SETD2: variants seen among roughly 807,000 people sequenced by gnomAD.
SETD2 encodes SET domain containing 2, histone lysine methyltransferase.
In SETD2, 31 loss-of-function variants were observed where a neutral mutation model predicts 242.1. The ratio of observed to expected loss-of-function variants is 0.13; its 90% CI spans 0.10 to 0.17. The LOEUF (loss-of-function observed/expected upper bound fraction) is 0.17. Ranked by LOEUF, SETD2 falls within the 10% of genes least tolerant of loss-of-function variation. The probability of loss-of-function intolerance (pLI) is 1.00; values close to 1 mark genes in which losing one functional copy is unlikely to be tolerated. For synonymous variants in SETD2, 1,006 were observed against 1,066.5 expected (o/e 0.94, Z 1.11); for missense variants, 2,481 against 3,046.3 (o/e 0.81, Z 4.37).
intron 1 of SETD2, among the ~76,000 whole-genome samples, chr3:47,142,670 CTTT>C (rs376806677): frequency 3.6e-5 from 5 of 139,652 alleles, no homozygotes; most frequent in Non-Finnish European, 3.1e-5. Context: ...TATACATTGT[CTTT>C]TTTTTTTTTT....
chr3:47,069,447 C>T (rs1179052629), intron 12 of SETD2, among the ~76,000 whole-genome samples: 1 of 152,176 alleles, frequency 6.6e-6, no homozygotes, highest in Non-Finnish European at 1.5e-5. Flanking sequence ...GGAAATACCA[C>T]CCCAGACAAA....
intron 4 of SETD2, among the ~76,000 whole-genome samples, chr3:47,115,865 T>C (rs2042833990): frequency 6.6e-6 from 1 of 152,230 alleles, no homozygotes; most frequent in East Asian, 1.9e-4. Context: ...AGGCTGATCC[T>C]AAACTCCTGG....
rs1427956806 is a variant in SETD2 at position 47,122,349 on chromosome 3, T to A, written c.2287A>T (p.Met763Leu). The change falls in exon 3 of 21, where the codon ATG becomes TTG. Residue 763 changes from methionine to leucine, a missense_variant. This residue lies in a region of SETD2 where 1,300 missense variants were observed against 1,259.2 expected (regional missense o/e 1.03). Coordinates refer to ENST00000409792, the MANE Select transcript of SETD2 (RefSeq NM_014159.7). Reference sequence around the variant, plus strand: ...GAATAATCCACAGTCATAACTGGCATAGACATGAGTTTATCTTGGTGTGGT... The same window carrying A: ...GAATAATCCACAGTCATAACTGGCAAAGACATGAGTTTATCTTGGTGTGGT... ...VSPHQDKLMS[M>L]PVMTVDYSKT... 1.2e-6 allele frequency: 2 copies of A among 1,614,192 alleles called. No homozygotes were observed. Among genetic ancestry groups the A allele is most frequent in the East Asian group, 4.5e-5 (2 of 44,876 alleles).
intron 16 of SETD2, among the ~76,000 whole-genome samples, chr3:47,045,346 C>T (rs1052428682): frequency 3.3e-5 from 5 of 151,760 alleles, no homozygotes; most frequent in African/African-American, 9.7e-5. Flanking sequence ...AGCGAAACCC[C>T]GTCTCTACTA....
Position 47,163,744 on chromosome 3 carries a change from G to A in SETD2, c.71+110C>T, listed in dbSNP as rs1697578241. On this transcript the variant is annotated intron_variant, in intron 1 of 20. Coordinates refer to ENST00000409792, the MANE Select transcript of SETD2 (RefSeq NM_014159.7). ...GACACCGACCGCGCGAGGCCACCGTGGGCCTGTTACTCCTCGCGCCGGCCC... is the reference window on the plus strand; with the variant it reads ...GACACCGACCGCGCGAGGCCACCGTAGGCCTGTTACTCCTCGCGCCGGCCC... 8.2e-6 allele frequency: 9 copies of A among 1,094,266 alleles called. No homozygotes were observed. The South Asian group carries it at 4.2e-4, about 50-fold the overall frequency. The allele number at this position is 1,094,266 out of a possible 1,614,324, so 67.8% of individuals were successfully genotyped here.
At chr3:47,115,173 A>G (rs970411542) in intron 4 of SETD2, among the ~76,000 whole-genome samples, 4 of 152,198 alleles carry the variant, frequency 2.6e-5, no homozygotes, top group African/African-American at 9.6e-5. Context: ...ACAACTAAAG[A>G]TAACTGATAA....
At chr3:47,134,829 G>A (rs918828123) in intron 1 of SETD2, among the ~76,000 whole-genome samples, 23 of 152,144 alleles carry the variant, frequency 1.5e-4, no homozygotes, top group African/African-American at 2.4e-4. Flanking sequence ...TCACCATGTC[G>A]GCCAGGCTGG....
chr3:47,125,784 C>T (rs1311930160), intron 2 of SETD2, among the ~76,000 whole-genome samples: 3 of 152,168 alleles, frequency 2.0e-5, no homozygotes, highest in Non-Finnish European at 1.5e-5. Context: ...CAAGGCATAA[C>T]GTAGGTTGTA....
intron 1 of SETD2, among the ~76,000 whole-genome samples, chr3:47,140,563 A>G (rs2043702237): frequency 6.6e-6 from 1 of 152,226 alleles, no homozygotes; most frequent in Non-Finnish European, 1.5e-5. Flanking sequence ...AGTGAATCAC[A>G]CAGAAAGAGT....
intron 12 of SETD2, among the ~76,000 whole-genome samples, chr3:47,079,848 A>G (rs2041250793): frequency 6.6e-6 from 1 of 152,222 alleles, no homozygotes; most frequent in Admixed American, 6.5e-5. Context: ...TAAATTTTAG[A>G]CCATTTTTGC....
intron 18 of SETD2, among the ~76,000 whole-genome samples, chr3:47,021,239 C>A (rs1193496456): frequency 6.6e-6 from 1 of 152,258 alleles, no homozygotes; most frequent in Admixed American, 6.5e-5. Flanking sequence ...ACATCCCCAG[C>A]TACTCTCTTG....
intron 12 of SETD2, among the ~76,000 whole-genome samples, chr3:47,068,454 G>A (rs1489637560): frequency 2.7e-5 from 4 of 150,584 alleles, no homozygotes; most frequent in African/African-American, 7.3e-5. Context: ...CACTTATACT[G>A]TGTGCCAGAT....
rs749886878 is a variant in SETD2 at position 47,017,599 on chromosome 3, G to C, written c.7533+39C>G. The C allele has an allele frequency of 1.4e-6, 2 of 1,411,000 alleles. No individual in the cohort carries two copies. The highest frequency in any genetic ancestry group is 2.3e-5 in the East Asian group (1 of 43,908). 87.4% of individuals were successfully genotyped at this position (1,411,000 alleles called of 1,614,324 possible). On this transcript the variant is annotated intron_variant, in intron 20 of 20. Coordinates refer to ENST00000409792, the MANE Select transcript of SETD2 (RefSeq NM_014159.7). This position sits in a 1 kb window ranked among gnomAD's most constrained non-coding sequence, Gnocchi z 4.8. ...TCTTAGAAGGTACACAGTTTGCCCAGAACATTGCCTGGTGGGCTACCAAAA... is the reference window on the plus strand; with the variant it reads ...TCTTAGAAGGTACACAGTTTGCCCACAACATTGCCTGGTGGGCTACCAAAA...
Position 47,120,356 on chromosome 3 carries a change from A to T in SETD2, c.4280T>A (p.Val1427Asp), listed in dbSNP as rs1559741136. Residue 1427 changes from valine to aspartate, a missense_variant, in exon 3 of 21, where the codon GTT becomes GAT. Val to Asp is a radical substitution (Grantham distance 152). Transcript: ENST00000409792. ...CTCTCCCTGCTCTACCTCCACTCTAACTTTCTTTCTGTCCTGAAGCTCACC... is the reference window on the plus strand; with the variant it reads ...CTCTCCCTGCTCTACCTCCACTCTATCTTTCTTTCTGTCCTGAAGCTCACC... ...SDGELQDRKK[V>D]RVEVEQGETS... The T allele has an allele frequency of 6.2e-7, 1 of 1,612,866 alleles. No homozygotes were observed. Among genetic ancestry groups the T allele is most frequent in the East Asian group, 2.2e-5 (1 of 44,842 alleles).
At chr3:47,136,624 T>C (rs948435234) in intron 1 of SETD2, among the ~76,000 whole-genome samples, 1 of 152,056 alleles carries the variant, frequency 6.6e-6, no homozygotes, top group Admixed American at 6.6e-5. Context: ...TAATTAACAC[T>C]TGGGGCTCCA....
At chr3:47,046,414 C>A in intron 16 of SETD2, 73 bp downstream of exon 16, 1 of 1,351,766 alleles carries the variant, frequency 7.4e-7, no homozygotes, top group South Asian at 1.9e-5. Flanking sequence ...CAAAACAAAT[C>A]CAAACCAAAA....
chr3:47,048,420 T>G (rs1323977388), intron 15 of SETD2, among the ~76,000 whole-genome samples: 4 of 151,956 alleles, frequency 2.6e-5, no homozygotes, highest in Non-Finnish European at 5.9e-5. Flanking sequence ...TACACCTGTA[T>G]AGGGAACTAA....
chr3:47,127,718 G>A (rs184794625), intron 1 of SETD2, among the ~76,000 whole-genome samples: 261 of 152,160 alleles, frequency 1.7e-3, no homozygotes, highest in Admixed American at 3.0e-3. Context: ...AAAATTAGCC[G>A]AGCATGGTGG....
intron 9 of SETD2, among the ~76,000 whole-genome samples, chr3:47,091,004 G>A (rs886206507): frequency 1.3e-5 from 2 of 152,102 alleles, no homozygotes; most frequent in African/African-American, 4.8e-5. Context: ...ATAAAGTGCT[G>A]CCTGAGAGAG....
Sources: gnomAD v4.1 joint callset for allele counts (sites outside exome capture counted in the v4.1 genomes callset) on GRCh38, gnomAD v4.1.1 for gene constraint, gnomAD v4.1.1 regional missense constraint, Gnocchi (gnomAD v3.1) non-coding constraint, MANE v1.5 for transcripts, NCBI Gene and HGNC (gene_info 2026-07-23, HGNC 2026-07-21) for gene names.